Variants in SGSM2 observed in about 807,000 individuals in gnomAD.
The protein encoded by SGSM2 is small G protein signaling modulator 2.
SGSM2 carries 89 observed loss-of-function variants against 126.6 expected under a neutral mutation model. That is an observed-to-expected ratio of 0.70 (90% CI 0.59 to 0.84). SGSM2 has a LOEUF of 0.84. Ranked by LOEUF, SGSM2 falls within the 40% of genes least tolerant of loss-of-function variation. The pLI, the probability that SGSM2 is intolerant of heterozygous loss-of-function variation, is 0.00. For missense variants in SGSM2, 1,404 were observed against 1,416.6 expected (o/e 0.99, Z 0.14); for synonymous variants, 614 against 574.3 (o/e 1.07, Z -0.99).
chr17:2,376,327 A>C, intron 19 of SGSM2, 66 bp downstream of exon 19: 1 of 1,598,480 alleles, frequency 6.3e-7, no homozygotes, highest in Non-Finnish European at 8.5e-7. Context: ...TGTGAAGATG[A>C]GGTCCGGAAG....
At chr17:2,373,172 C>A (rs2065959925) in intron 16 of SGSM2, 91 bp downstream of exon 16, 2 of 1,569,204 alleles carry the variant, frequency 1.3e-6, no homozygotes, top group Admixed American at 1.8e-5. Flanking sequence ...CAGCCCCTTC[C>A]CAGCCGGAAA....
intron 2 of SGSM2, among the ~76,000 whole-genome samples, chr17:2,345,260 G>A (rs557365658): frequency 1.3e-5 from 2 of 152,168 alleles, no homozygotes; most frequent in African/African-American, 2.4e-5. Flanking sequence ...TCAGGAGTTC[G>A]AGACCAGCCT....
In SGSM2 at chr17:2,380,260, A is replaced by C. The variant is rs2066358450; in HGVS notation, c.*740A>C. The C allele has an allele frequency of 3.3e-6, 5 of 1,535,848 alleles. No homozygotes were observed. The highest frequency in any genetic ancestry group is 4.4e-6 in the Non-Finnish European group (5 of 1,146,876). ...CTGCCACCCCACCCTTGCGTTCTGC[A>C]TTAGGTACTTCCCTGAAAACCACGT... On this transcript the variant is annotated 3_prime_UTR_variant, in exon 24 of 24. Transcript: ENST00000268989.
intron 1 of SGSM2, among the ~76,000 whole-genome samples, chr17:2,338,952 G>A (rs1299304819): frequency 1.3e-5 from 2 of 151,704 alleles, no homozygotes; most frequent in Non-Finnish European, 2.9e-5. Flanking sequence ...CCAGCTACCC[G>A]GGAGACTGAG....
At position 2,373,456 on chromosome 17, in the gene SGSM2, C is replaced by T. The variant is rs1432702286; in HGVS notation, c.2043C>T (p.Ser681=). 1.9e-6 allele frequency: 3 copies of T among 1,609,376 alleles called. 1 individual carries two copies. Among genetic ancestry groups the T allele is most frequent in the Middle Eastern group, 1.7e-4 (1 of 6,058 alleles). Residue 681 remains serine (S), a synonymous_variant, in exon 17 of 24, where the codon AGC becomes AGT. Transcript: ENST00000268989. ...CACGCACCAAGTTCTCCTCAGGCAG[C>T]AGCATCGACAGCCACGTGCAGCGCC... ...PATRTKFSSG[S]SIDSHVQRLI...
chr17:2,380,186 C>T lies in SGSM2; in HGVS notation c.*666C>T. 2 of 1,511,940 alleles carry T rather than the reference C, an allele frequency of 1.3e-6. No individual in the cohort carries two copies. The highest frequency in any genetic ancestry group is 1.2e-5 in the South Asian group (1 of 81,714). The allele number at this position is 1,511,940 out of a possible 1,614,324, so 93.7% of individuals were successfully genotyped here. A position where few individuals can be genotyped will look rare whatever the true frequency, so the allele number is the denominator to read the frequency against. On this transcript the variant is annotated 3_prime_UTR_variant, in exon 24 of 24. Coordinates refer to ENST00000268989, the MANE Select transcript of SGSM2 (RefSeq NM_014853.3). ...TGGCCACCTGAGGTGACCCCCAGGC[C>T]TCCCCGGCCTTGTACAGTGTACCTC... is the stretch of plus-strand genomic sequence containing the variant.
At position 2,367,304 on chromosome 17, in the gene SGSM2, G is replaced by A. The variant is rs776923604; in HGVS notation, c.1322G>A (p.Arg441His). Residue 441 changes from arginine to histidine, a missense_variant, in exon 12 of 24, where the codon CGC (arginine) becomes CAC (histidine). Coordinates refer to ENST00000268989, the MANE Select transcript of SGSM2 (RefSeq NM_014853.3). The surrounding 1 kb of genome is among the most constrained non-coding windows in gnomAD (Gnocchi z 4.0). ...TINYHHLAAS[R>H]AASVDDDEEE... ...AACTACCACCACCTAGCGGCCAGCC[G>A]CGCGGCCTCGGTGGACGATGATGAG... The A allele has an allele frequency of 2.6e-5, 42 of 1,613,912 alleles. No homozygotes were observed. The Middle Eastern group carries it at 1.2e-3, about 44-fold the overall frequency.
chr17:2,352,767 C>CTT (rs71150860), intron 2 of SGSM2, among the ~76,000 whole-genome samples: 89 of 85,958 alleles, frequency 1.0e-3, no homozygotes, highest in East Asian at 5.3e-3. Flanking sequence ...GCTGCATTTT[C>CTT]TTTTTTTTTT....
chr17:2,342,493 C>T (rs1385624147), intron 1 of SGSM2, among the ~76,000 whole-genome samples: 1 of 151,930 alleles, frequency 6.6e-6, no homozygotes, highest in Non-Finnish European at 1.5e-5. Context: ...GAGTGGGTAC[C>T]CTTAGGGGGA....
At chr17:2,373,220 G>A in intron 16 of SGSM2, 111 bp from the exon 17 acceptor site, 1 of 1,538,492 alleles carries the variant, frequency 6.5e-7, no homozygotes, top group Non-Finnish European at 8.8e-7. Context: ...CTTACCCTGA[G>A]GCCCGTCTTG....
rs765755747 is a variant in SGSM2, at chr17:2,365,243, G to A, written c.1190G>A (p.Arg397Gln). The change falls in exon 11 of 24, where the codon CGA becomes CAA. Residue 397 changes from arginine to glutamine, a missense_variant. By Grantham distance (43) the Arg-to-Gln change is conservative. Coordinates refer to ENST00000268989, the MANE Select transcript of SGSM2 (RefSeq NM_014853.3). ...AAAGTGTTCCCCAAGCTACGGAAAC[G>A]AAGCAGCATTCGCTCCGTGGATATG... ...KGKVFPKLRK[R>Q]SSIRSVDMEE... 16 of 1,612,794 alleles carry A rather than the reference G, an allele frequency of 9.9e-6. No individual in the cohort carries two copies. Among genetic ancestry groups the A allele is most frequent in the Admixed American group, 1.7e-5 (1 of 59,876 alleles).
Position 2,377,641 on chromosome 17 carries a change from C to T in SGSM2, c.2803-216C>T, listed in dbSNP as rs1260173453. Reference sequence around the variant, plus strand: ...CTATAACCCTAAAAATAATGCAGCTCAGAGAGATGGGTGATGGGAGGGGCA... The same window carrying T: ...CTATAACCCTAAAAATAATGCAGCTTAGAGAGATGGGTGATGGGAGGGGCA... On this transcript the variant is annotated intron_variant, in intron 21 of 23. Coordinates refer to ENST00000268989, the MANE Select transcript of SGSM2 (RefSeq NM_014853.3). The T allele has an allele frequency of 2.0e-5, 9 of 459,458 alleles. No individual in the cohort carries two copies. In the Admixed American group the frequency reaches 3.0e-4, roughly 15 times the overall value. The allele number at this position is 459,458 out of a possible 1,614,324, so 28.5% of individuals were successfully genotyped here.
chr17:2,375,950 G>A, intron 18 of SGSM2, 75 bp downstream of exon 18: 2 of 1,513,446 alleles, frequency 1.3e-6, no homozygotes, highest in Non-Finnish European at 8.8e-7. Flanking sequence ...GGGAAGCGCT[G>A]GTGGGGTGGA....
Position 2,367,855 on chromosome 17 carries a change from G to A in SGSM2, c.1423+450G>A, listed in dbSNP as rs1467689970. The stretch of plus-strand genomic sequence containing the variant: ...GTACCGGGTCCTTCCTGGGGCAGGG[G>A]CAGCAGCTGTGGGTCAGGCGAGGGG... On this transcript the variant is annotated intron_variant, in intron 12 of 23. Transcript: ENST00000268989. This position sits in a 1 kb window ranked among gnomAD's most constrained non-coding sequence, Gnocchi z 4.0. Among the ~76,000 whole-genome samples, 1 of 152,224 alleles carries A rather than the reference G, an allele frequency of 6.6e-6. No homozygotes were observed. The highest frequency in any genetic ancestry group is 1.5e-5 in the Non-Finnish European group (1 of 68,032).
At chr17:2,342,976 C>CA (rs887851871) in intron 1 of SGSM2, among the ~76,000 whole-genome samples, 133 of 150,656 alleles carry the variant, frequency 8.8e-4, no homozygotes, top group African/African-American at 3.1e-3. Context: ...GACTCCATCT[C>CA]AAAAAAAAAT....
rs76008308 is a variant in SGSM2 at position 2,358,801 on chromosome 17, T to C, written c.134-2836T>C. 7.3e-3 allele frequency among the ~76,000 whole-genome samples: 1,101 copies of C among 151,754 alleles called. 13 individuals carry two copies. The highest frequency in any genetic ancestry group is 0.024 in the African/African-American group (1,004 of 41,352). ...AAAAAAAGCACTCTCCTAATCATTC[T>C]AGAGCACCTCAACAATTTGCATTCA... On this transcript the variant is annotated intron_variant, in intron 2 of 23. Transcript: ENST00000268989.
chr17:2,350,157 G>T (rs549115453), intron 2 of SGSM2, among the ~76,000 whole-genome samples: 9 of 151,580 alleles, frequency 5.9e-5, no homozygotes, highest in Non-Finnish European at 1.0e-4. Context: ...CCTGACCTCA[G>T]GTGATCCACC....
chr17:2,375,618 G>T lies in SGSM2; in HGVS notation c.2227G>T (p.Val743Leu), dbSNP rs148945300. 29 of 1,614,052 alleles carry T rather than the reference G, an allele frequency of 1.8e-5. No individual in the cohort carries two copies. Among genetic ancestry groups the T allele is most frequent in the Non-Finnish European group, 2.5e-5 (29 of 1,180,044 alleles). Residue 743 changes from valine (V) to leucine (L), a missense_variant, in exon 18 of 24, where the codon GTG (valine) becomes TTG (leucine). Physicochemically the swap from Val to Leu is conservative, Grantham distance 32. Coordinates refer to ENST00000268989, the MANE Select transcript of SGSM2 (RefSeq NM_014853.3). Reference protein sequence around the residue: ...GTAVVEQQHSVEFDSPDSGLP... With the variant: ...GTAVVEQQHSLEFDSPDSGLP... ...CGCCGTGGTGGAGCAGCAGCATTCC[G>T]TGGAGTTCGACTCTCCAGACTCAGG...
chr17:2,361,273 C>CCGAGT (rs1280708835), intron 2 of SGSM2, among the ~76,000 whole-genome samples: 3 of 152,222 alleles, frequency 2.0e-5, no homozygotes, highest in African/African-American at 7.2e-5. Flanking sequence ...AGAAAGGCTC[C>CCGAGT]CGAGTCGGGT....
Sources: allele counts gnomAD v4.1 joint callset (sites outside exome capture counted in the v4.1 genomes callset), GRCh38; gene constraint gnomAD v4.1.1; non-coding constraint Gnocchi (gnomAD v3.1); transcripts MANE v1.5; gene names NCBI Gene and HGNC (gene_info 2026-07-23, HGNC 2026-07-21).